The following FRMD3 variants were observed in gnomAD, a reference collection of about 807,000 sequenced individuals.
FRMD3 encodes FERM domain containing 3.
FRMD3 carries 33 observed loss-of-function variants against 70.2 expected under a neutral mutation model. That is an observed-to-expected ratio of 0.47 (90% confidence interval 0.36 to 0.63). The LOEUF is 0.63. FRMD3 is among the 20% of genes least tolerant of loss of function. The pLI, the probability that FRMD3 is intolerant of heterozygous loss-of-function variation, is 0.00. For synonymous variants in FRMD3, 279 were observed against 255.9 expected, an observed-to-expected ratio of 1.09 and a Z score of -0.86; for missense variants, 632 against 711.4, an observed-to-expected ratio of 0.89 and a Z score of 1.27.
chr9:83,309,346 T>G (rs1835264277), intron 10 of FRMD3, among the ~76,000 whole-genome samples, 190 bp downstream of exon 10: 1 of 148,912 alleles, frequency 6.7e-6, no homozygotes, highest in African/African-American at 2.5e-5. Context: ...AACATAGAGC[T>G]CAGAACTCGG....
At chr9:83,457,533 T>C (rs1392741456) in intron 1 of FRMD3, among the ~76,000 whole-genome samples, 1 of 152,216 alleles carries the variant, frequency 6.6e-6, no homozygotes, top group Admixed American at 6.5e-5. Context: ...TCATATAATT[T>C]GTGGACATCC....
chr9:83,368,338 T>TATTTC (rs900755697), intron 3 of FRMD3, among the ~76,000 whole-genome samples: 3 of 151,962 alleles, frequency 2.0e-5, no homozygotes, highest in Non-Finnish European at 2.9e-5. Context: ...TATTTTATTT[T>TATTTC]ATTATTTTTC....
chr9:83,554,485 T>A, the FRMD3 span, among the ~76,000 whole-genome samples: 6 of 152,318 alleles, frequency 3.9e-5, no homozygotes, highest in Admixed American at 1.3e-4. Context: ...AATTGCTCAA[T>A]GCAGTCAGCA....
chr9:83,408,231 TA>T (rs1210777815), intron 1 of FRMD3, among the ~76,000 whole-genome samples: 2 of 152,142 alleles, frequency 1.3e-5, no homozygotes, highest in African/African-American at 2.4e-5. Flanking sequence ...CACAGGGGAA[TA>T]AAAGATTCTT....
At chr9:83,547,145 C>T in the FRMD3 span, among the ~76,000 whole-genome samples, 2 of 150,086 alleles carry the variant, frequency 1.3e-5, no homozygotes, top group Non-Finnish European at 1.5e-5. Flanking sequence ...GTTAGGACAA[C>T]TTTAAATCAA....
chr9:83,405,493 G>A (rs1291029179), intron 1 of FRMD3, among the ~76,000 whole-genome samples: 1 of 152,036 alleles, frequency 6.6e-6, no homozygotes, highest in Non-Finnish European at 1.5e-5. Context: ...TGGGCACAGT[G>A]GCTCACACCT....
intron 2 of FRMD3, among the ~76,000 whole-genome samples, chr9:83,387,063 T>C (rs868528707): frequency 6.6e-6 from 1 of 152,132 alleles, no homozygotes; most frequent in African/African-American, 2.4e-5. Flanking sequence ...ATAGAGTTAT[T>C]ATTTTTCCCT....
the FRMD3 span, among the ~76,000 whole-genome samples, chr9:83,583,296 C>A: frequency 1.3e-5 from 2 of 152,178 alleles, no homozygotes; most frequent in Non-Finnish European, 2.9e-5. Flanking sequence ...TCGCTACTCA[C>A]ACTTGATTCC....
intron 12 of FRMD3, among the ~76,000 whole-genome samples, chr9:83,296,105 C>T (rs1280469798): frequency 6.6e-6 from 1 of 152,144 alleles, no homozygotes; most frequent in Non-Finnish European, 1.5e-5. Flanking sequence ...CTCTGAACGC[C>T]CACCACAAGA....
chr9:83,560,349 C>T, the FRMD3 span, among the ~76,000 whole-genome samples: 1 of 152,296 alleles, frequency 6.6e-6, no homozygotes, highest in South Asian at 2.1e-4. Flanking sequence ...TGCTCATTCT[C>T]GTGCACTTCT....
At chr9:83,429,866 G>C (rs953951639) in intron 1 of FRMD3, among the ~76,000 whole-genome samples, 13 of 152,142 alleles carry the variant, frequency 8.5e-5, no homozygotes, top group Admixed American at 6.5e-4. Flanking sequence ...GCAGAGATGC[G>C]AATGATTCTC....
At chr9:83,318,965 A>G (rs779069580) in intron 6 of FRMD3, among the ~76,000 whole-genome samples, 6 of 151,674 alleles carry the variant, frequency 4.0e-5, no homozygotes, top group Non-Finnish European at 8.8e-5. Flanking sequence ...AATGGCCTTC[A>G]ATGTTCTTTG....
At chr9:83,300,769 TA>T (rs1834887277) in intron 10 of FRMD3, among the ~76,000 whole-genome samples, 1 of 152,198 alleles carries the variant, frequency 6.6e-6, no homozygotes, top group African/African-American at 2.4e-5. Flanking sequence ...CACACACACA[TA>T]TTTTTTTTCC....
At chr9:83,547,855 G>C in the FRMD3 span, among the ~76,000 whole-genome samples, 1 of 152,138 alleles carries the variant, frequency 6.6e-6, no homozygotes, top group East Asian at 1.9e-4. Context: ...TTTTGGCTAA[G>C]ATCAAGTGTA....
At chr9:83,438,108 C>T (rs1171516379) in intron 1 of FRMD3, among the ~76,000 whole-genome samples, 1 of 152,096 alleles carries the variant, frequency 6.6e-6, no homozygotes, top group African/African-American at 2.4e-5. Flanking sequence ...TACTATTAAG[C>T]ATACCAAGAA....
chr9:83,495,803 C>G (rs1435808372), intron 1 of FRMD3, among the ~76,000 whole-genome samples: 2 of 152,172 alleles, frequency 1.3e-5, no homozygotes, highest in Admixed American at 6.5e-5. Flanking sequence ...ACCATAAACA[C>G]AGAGATGGAT....
At chr9:83,357,260 T>TGGA (rs1824414146) in intron 3 of FRMD3, among the ~76,000 whole-genome samples, 3 of 55,248 alleles carry the variant, frequency 5.4e-5, no homozygotes, top group African/African-American at 3.5e-4. Flanking sequence ...TATATATATA[T>TGGA]ATATATATAT....
chr9:83,487,248 G>A (rs1828708345), intron 1 of FRMD3, among the ~76,000 whole-genome samples: 1 of 152,132 alleles, frequency 6.6e-6, no homozygotes, highest in Non-Finnish European at 1.5e-5. Context: ...AAAGGCCACT[G>A]AAAAGCCACC....
intron 13 of FRMD3, among the ~76,000 whole-genome samples, chr9:83,284,061 ATTTTTTT>A (rs71365307): frequency 2.0e-5 from 2 of 101,710 alleles, no homozygotes; most frequent in African/African-American, 3.7e-5. Context: ...CTAGGATGTT[ATTTTTTT>A]TTTTTTTTTT....
Sources: gnomAD v4.1 joint callset for allele counts (sites outside exome capture counted in the v4.1 genomes callset) on GRCh38, gnomAD v4.1.1 for gene constraint, MANE v1.5 for transcripts, NCBI Gene and HGNC (gene_info 2026-07-23, HGNC 2026-07-21) for gene names.